Variants in KBTBD3 observed in about 807,000 individuals in gnomAD.
KBTBD3 encodes the protein kelch repeat and BTB domain-containing protein 3.
A neutral mutation model predicts 49.6 loss-of-function variants in KBTBD3; 38 were observed. The observed-to-expected ratio is 0.77, with a 90% CI of 0.59 to 1.00. The LOEUF (loss-of-function observed/expected upper bound fraction) is 1.00, where lower values mean the gene tolerates loss of function less well. KBTBD3 is among the 50% of genes least tolerant of loss of function. The probability of loss-of-function intolerance (pLI) is 0.00; values close to 1 mark genes in which losing one functional copy is unlikely to be tolerated. For missense variants in KBTBD3, 661 were observed against 712.0 expected (o/e 0.93, Z 0.81); for synonymous variants, 214 against 250.4 (o/e 0.85, Z 1.37).
chr11:106,056,422 A>T (rs1860554011), intron 3 of KBTBD3, among the ~76,000 whole-genome samples: 1 of 152,220 alleles, frequency 6.6e-6, no homozygotes. Context: ...TAAATTGAAT[A>T]AAAAATAGCA....
intron 3 of KBTBD3, among the ~76,000 whole-genome samples, chr11:106,054,889 G>C (rs1263065220): frequency 6.6e-6 from 1 of 151,918 alleles, no homozygotes; most frequent in African/African-American, 2.4e-5. Context: ...ATTCATCTTT[G>C]ATTTCACATT....
At chr11:106,067,957 A>G (rs1374507617) in intron 2 of KBTBD3, among the ~76,000 whole-genome samples, 1 of 152,176 alleles carries the variant, frequency 6.6e-6, no homozygotes, top group African/African-American at 2.4e-5. Context: ...GCATTAATTA[A>G]AATAAAGCAG....
intron 3 of KBTBD3, among the ~76,000 whole-genome samples, chr11:106,058,253 G>A (rs868853213): frequency 3.3e-5 from 5 of 151,692 alleles, no homozygotes; most frequent in Admixed American, 6.6e-5. Flanking sequence ...GTGTGGTGGC[G>A]GGCACTAGTC....
chr11:106,056,043 T>C (rs1035538551), intron 3 of KBTBD3, among the ~76,000 whole-genome samples: 2 of 152,204 alleles, frequency 1.3e-5, no homozygotes, highest in Non-Finnish European at 2.9e-5. Flanking sequence ...TGACATTCCA[T>C]CTCAGTAATA....
chr11:106,067,801 G>GT (rs1860837312), intron 2 of KBTBD3, among the ~76,000 whole-genome samples: 1 of 151,948 alleles, frequency 6.6e-6, no homozygotes, highest in Non-Finnish European at 1.5e-5. Flanking sequence ...TGCACTAAAT[G>GT]TAAGTGGTCT....
intron 2 of KBTBD3, chr11:106,076,262 C>G (rs1299768414): frequency 6.6e-6 from 1 of 152,144 alleles, no homozygotes; most frequent in Non-Finnish European, 1.5e-5. Context: ...AGCAGATTTT[C>G]AACATGGCAG....
At chr11:106,055,755 T>C (rs1283154898) in intron 3 of KBTBD3, among the ~76,000 whole-genome samples, 1 of 152,228 alleles carries the variant, frequency 6.6e-6, no homozygotes, top group Non-Finnish European at 1.5e-5. Flanking sequence ...GTAGTATCTA[T>C]GTCATTGGGT....
chr11:106,063,880 G>A (rs540863754), intron 2 of KBTBD3, among the ~76,000 whole-genome samples: 36 of 152,172 alleles, frequency 2.4e-4, no homozygotes, highest in African/African-American at 8.7e-4. Context: ...GCAGTAAGCC[G>A]AGATCCTAAC....
chr11:106,057,153 G>A lies in KBTBD3; in HGVS notation c.233+1712C>T, dbSNP rs543404667. On this transcript the variant is annotated intron_variant, in intron 3 of 3. Coordinates refer to ENST00000531837, the MANE Select transcript of KBTBD3 (RefSeq NM_198439.3). ...CCCCTACAGGAACAGGTGTTTAGCA[G>A]GAAGTATGTATCAGTAAATGTTTGT... is the stretch of plus-strand genomic sequence containing the variant. Among the ~76,000 whole-genome samples the A allele has an allele frequency of 5.6e-4, 85 of 152,094 alleles. 1 individual carries two copies. Among genetic ancestry groups the A allele is most frequent in the Non-Finnish European group, 4.4e-4 (30 of 68,028 alleles).
chr11:106,064,148 G>A (rs568435062), intron 2 of KBTBD3, among the ~76,000 whole-genome samples: 1 of 152,208 alleles, frequency 6.6e-6, no homozygotes, highest in Non-Finnish European at 1.5e-5. Context: ...TCATTGCAAA[G>A]GTGTTTAATC....
intron 2 of KBTBD3, among the ~76,000 whole-genome samples, chr11:106,075,130 G>A (rs927687309): frequency 6.6e-6 from 1 of 152,154 alleles, no homozygotes; most frequent in Non-Finnish European, 1.5e-5. Context: ...GAGTCCCTCA[G>A]AATCCTGCTA....
intron 2 of KBTBD3, among the ~76,000 whole-genome samples, chr11:106,065,367 C>T (rs190642493): frequency 1.1e-4 from 16 of 152,218 alleles, no homozygotes; most frequent in Admixed American, 8.5e-4. Context: ...TTGCTACATA[C>T]CCAGTGCTGG....
intron 2 of KBTBD3, among the ~76,000 whole-genome samples, chr11:106,074,854 C>T (rs1046863028): frequency 1.3e-5 from 2 of 152,100 alleles, no homozygotes; most frequent in Non-Finnish European, 2.9e-5. Context: ...AGAAGAGCAG[C>T]ATCATGGTTT....
chr11:106,053,179 C>G lies in KBTBD3; in HGVS notation c.1510G>C (p.Ala504Pro). The G allele has an allele frequency of 6.2e-7, 1 of 1,613,488 alleles. No individual in the cohort carries two copies. Among genetic ancestry groups the G allele is most frequent in the Non-Finnish European group, 8.5e-7 (1 of 1,179,734 alleles). Residue 504 changes from alanine to proline, a missense_variant, in exon 4 of 4, where the codon GCT becomes CCT. Ala to Pro is a conservative substitution (Grantham distance 27). Coordinates refer to ENST00000531837, the MANE Select transcript of KBTBD3 (RefSeq NM_198439.3). ...GQFFHATLIKAVPVNCTLYIC... is the reference protein window; with the variant it reads ...GQFFHATLIKPVPVNCTLYIC... ...TACAGTGTACAGTTTACTGGTACAG[C>G]TTTAATTAATGTTGCATGAAAAAAT...
intron 3 of KBTBD3, 134 bp downstream of exon 3, chr11:106,058,731 G>GTTTTTTTTTTTTTTTTTTTTTTTTTTTT: frequency 1.5e-6 from 1 of 657,562 alleles, no homozygotes; most frequent in African/African-American, 2.0e-5. Flanking sequence ...GCCTAATTAG[G>GTTTTTTTTTTTTTTTTTTTTTTTTTTTT]TTTTGTTTTT....
rs1225134910 is a variant in KBTBD3, at chr11:106,051,672, A to T, written c.*1178T>A. The T allele has an allele frequency of 6.6e-6, 1 of 151,912 alleles. No individual in the cohort carries two copies. The highest frequency in any genetic ancestry group is 1.5e-5 in the Non-Finnish European group (1 of 67,834). The allele number at this position is 151,912 out of a possible 1,614,324, so 9.4% of individuals were successfully genotyped here. On this transcript the variant is annotated 3_prime_UTR_variant, in exon 4 of 4. Transcript: ENST00000531837. ...AGAAACATATACTCTTGGAAGGCAG[A>T]ATCACCTACCTGAGAACAATGACAA...
chr11:106,077,001 C>CCT (rs1861044414), intron 1 of KBTBD3, among the ~76,000 whole-genome samples: 1 of 152,158 alleles, frequency 6.6e-6, no homozygotes, highest in Admixed American at 6.5e-5. Context: ...GGGGATAGTG[C>CCT]CTCTGCTCGG....
intron 3 of KBTBD3, among the ~76,000 whole-genome samples, chr11:106,057,227 G>C (rs1479455576): frequency 6.6e-6 from 1 of 152,058 alleles, no homozygotes; most frequent in Non-Finnish European, 1.5e-5. Flanking sequence ...ATAAGGATGA[G>C]ATCTAATTAG....
chr11:106,057,140 C>T (rs1303149788), intron 3 of KBTBD3, among the ~76,000 whole-genome samples: 1 of 152,044 alleles, frequency 6.6e-6, no homozygotes, highest in Non-Finnish European at 1.5e-5. Flanking sequence ...CCTACAGGAA[C>T]AGGTGTTTAG....
Sources: gnomAD v4.1 joint callset for allele counts (sites outside exome capture counted in the v4.1 genomes callset) on GRCh38, gnomAD v4.1.1 for gene constraint, MANE v1.5 for transcripts, NCBI Gene and HGNC (gene_info 2026-07-23, HGNC 2026-07-21) for gene names.